The following RAVER2 variants were observed in gnomAD, a reference collection of about 807,000 sequenced individuals.
RAVER2 encodes ribonucleoprotein, PTB binding 2, also known as ribonucleoprotein PTB-binding 2.
RAVER2 carries 46 observed loss-of-function variants against 78.1 expected under a neutral mutation model. The ratio of observed to expected loss-of-function variants is 0.59; its 90% CI spans 0.46 to 0.75. RAVER2 has a LOEUF of 0.75. Ranked by LOEUF, RAVER2 falls within the 30% of genes least tolerant of loss-of-function variation. The pLI is 0.00. For missense variants in RAVER2, 793 were observed against 837.5 expected (o/e 0.95, Z 0.66); for synonymous variants, 311 against 313.3 (o/e 0.99, Z 0.08).
chr1:64,747,762 G>A (rs925247515), intron 1 of RAVER2, among the ~76,000 whole-genome samples: 5 of 152,048 alleles, frequency 3.3e-5, no homozygotes, highest in African/African-American at 9.7e-5. Flanking sequence ...GATCCCACAC[G>A]CCTCGGCCTC....
chr1:64,804,724 A>G lies in RAVER2; in HGVS notation c.1192-10A>G, dbSNP rs373273043. On this transcript the variant is annotated splice_polypyrimidine_tract_variant and intron_variant, in intron 6 of 11. Coordinates refer to ENST00000294428, the Ensembl canonical transcript of RAVER2. ...AAAATTAAACTGACAACGTTTTGTC[A>G]TTTTCACAGAGCTCAGTTATGGGTA... The G allele has an allele frequency of 5.3e-6, 7 of 1,320,322 alleles. No homozygotes were observed. The highest frequency in any genetic ancestry group is 6.5e-6 in the Non-Finnish European group (6 of 929,426). The allele number at this position is 1,320,322 out of a possible 1,614,324, so 81.8% of individuals were successfully genotyped here.
At chr1:64,774,468 C>T (rs544387720) in intron 2 of RAVER2, among the ~76,000 whole-genome samples, 101 of 152,128 alleles carry the variant, frequency 6.6e-4, no homozygotes, top group Non-Finnish European at 1.2e-3. Flanking sequence ...GCAGGTTTGT[C>T]AAAGATCAGA....
intron 10 of RAVER2, among the ~76,000 whole-genome samples, chr1:64,814,393 G>A (rs1353675613): frequency 5.3e-5 from 8 of 152,010 alleles, no homozygotes; most frequent in Non-Finnish European, 7.4e-5. Context: ...ATGAGCAACC[G>A]TGCTCAGCCA....
chr1:64,770,774 A>G (rs995221760), intron 2 of RAVER2, among the ~76,000 whole-genome samples: 28 of 152,038 alleles, frequency 1.8e-4, no homozygotes, highest in Admixed American at 1.7e-3. Flanking sequence ...ACATCTGGAG[A>G]TGAAAATTAC....
intron 1 of RAVER2, among the ~76,000 whole-genome samples, chr1:64,761,333 C>G (rs886747925): frequency 1.3e-5 from 2 of 152,150 alleles, no homozygotes; most frequent in Non-Finnish European, 2.9e-5. Flanking sequence ...TTGGGCCCCC[C>G]CCAAAATTCA....
Position 64,791,349 on chromosome 1 carries a change from G to A in RAVER2, c.1105+1835G>A, listed in dbSNP as rs112135652. 5.3e-5 allele frequency among the ~76,000 whole-genome samples: 8 copies of A among 152,260 alleles called. 1 individual carries two copies. Among genetic ancestry groups the A allele is most frequent in the African/African-American group, 1.9e-4 (8 of 41,554 alleles). ...GCTTCCATTCCCTGGAAGTTAGAAG[G>A]TCAGGCTGATATCACATGATGCAAA... On this transcript the variant is annotated intron_variant, in intron 5 of 11. Transcript: ENST00000294428.
intron 4 of RAVER2, among the ~76,000 whole-genome samples, chr1:64,788,040 A>G (rs1004245129): frequency 2.0e-5 from 3 of 152,160 alleles, no homozygotes; most frequent in African/African-American, 7.2e-5. Context: ...AATTATATAT[A>G]TTCATATCAC....
Position 64,745,464 on chromosome 1 carries a change from G to C in RAVER2, c.249+43G>C, listed in dbSNP as rs909157901. ...GGGGCGACGCGTCCCGAGGGGCGGC[G>C]GGGCGGCGCTCCGTGTCCAGGCTGG... On this transcript the variant is annotated intron_variant, in intron 1 of 11. Coordinates refer to ENST00000294428, the Ensembl canonical transcript of RAVER2. This position sits in a 1 kb window ranked among gnomAD's most constrained non-coding sequence, Gnocchi z 4.3. 1.3e-6 allele frequency: 2 copies of C among 1,481,770 alleles called. No individual in the cohort carries two copies. Among genetic ancestry groups the C allele is most frequent in the Non-Finnish European group, 1.8e-6 (2 of 1,106,026 alleles). The allele number at this position is 1,481,770 out of a possible 1,614,324, so 91.8% of individuals were successfully genotyped here.
At chr1:64,764,748 G>T (rs530151877) in intron 1 of RAVER2, among the ~76,000 whole-genome samples, 1 of 152,316 alleles carries the variant, frequency 6.6e-6, no homozygotes, top group South Asian at 2.1e-4. Context: ...ATGCCAGCAG[G>T]CTGGAAACTC....
intron 9 of RAVER2, 111 bp downstream of exon 9, chr1:64,807,585 G>A: frequency 8.9e-7 from 1 of 1,127,738 alleles, no homozygotes; most frequent in Non-Finnish European, 1.2e-6. Flanking sequence ...CTTTTTCATA[G>A]TTTACATTTA....
chr1:64,781,442 G>A, exon 4 of RAVER2: 1 of 1,613,704 alleles, frequency 6.2e-7, no homozygotes, highest in Non-Finnish European at 8.5e-7. Flanking sequence ...GCACTGCGGA[G>A]CAGGCTGAAG....
chr1:64,781,678 T>A, intron 4 of RAVER2, 107 bp downstream of exon 4: 1 of 1,077,828 alleles, frequency 9.3e-7, no homozygotes, highest in Non-Finnish European at 1.3e-6. Context: ...TGCACCATCA[T>A]TGCATTTCCA....
At chr1:64,798,542 A>C (rs1220990202) in intron 5 of RAVER2, among the ~76,000 whole-genome samples, 2 of 152,130 alleles carry the variant, frequency 1.3e-5, no homozygotes, top group Non-Finnish European at 2.9e-5. Flanking sequence ...TCCCACCAAC[A>C]ATGTAAAAGT....
At chr1:64,805,021 G>C in exon 8 of RAVER2, 2 of 1,613,960 alleles carry the variant, frequency 1.2e-6, no homozygotes, top group Non-Finnish European at 1.7e-6. Context: ...GCCCCCAGCT[G>C]TGGTACTTCA....
intron 1 of RAVER2, among the ~76,000 whole-genome samples, chr1:64,753,784 A>C (rs907598631): frequency 6.6e-6 from 1 of 152,016 alleles, no homozygotes; most frequent in Non-Finnish European, 1.5e-5. Flanking sequence ...GGCCTCCCAA[A>C]GTGCTGGGAT....
chr1:64,754,194 T>C (rs1409187595), intron 1 of RAVER2, among the ~76,000 whole-genome samples: 1 of 152,206 alleles, frequency 6.6e-6, no homozygotes, highest in Non-Finnish European at 1.5e-5. Context: ...GATGCAAAAT[T>C]AATGTCAAAC....
At chr1:64,763,444 T>C (rs1570534145) in intron 1 of RAVER2, among the ~76,000 whole-genome samples, 1 of 152,274 alleles carries the variant, frequency 6.6e-6, no homozygotes, top group East Asian at 1.9e-4. Flanking sequence ...GAAATACAAA[T>C]TAAGGCCATA....
chr1:64,814,891 A>G, intron 11 of RAVER2, 51 bp downstream of exon 11: 2 of 1,399,254 alleles, frequency 1.4e-6, no homozygotes, highest in Non-Finnish European at 9.5e-7. Flanking sequence ...GTTCAACTAT[A>G]TATTGAGTTC....
exon 12 of RAVER2, chr1:64,832,812 G>GCACTT (rs1449433513): frequency 6.6e-6 from 1 of 152,188 alleles, no homozygotes; most frequent in African/African-American, 2.4e-5. Context: ...TTCAGGCCCT[G>GCACTT]CACTTCTCTT....
Sources: gnomAD v4.1 joint callset for allele counts (sites outside exome capture counted in the v4.1 genomes callset) on GRCh38, gnomAD v4.1.1 for gene constraint, Gnocchi (gnomAD v3.1) non-coding constraint, MANE v1.5 for transcripts, NCBI Gene and HGNC (gene_info 2026-07-23, HGNC 2026-07-21) for gene names.